The following GPR107 variants were observed in gnomAD, a reference collection of about 807,000 sequenced individuals.
The protein encoded by GPR107 is G protein-coupled receptor 107, also known as protein GPR107.
A neutral mutation model predicts 75.5 loss-of-function variants in GPR107; 31 were observed. The observed-to-expected ratio is 0.41, with a 90% confidence interval of 0.31 to 0.55. The LOEUF (loss-of-function observed/expected upper bound fraction) is 0.55. Among genes scored for constraint, GPR107 ranks in the 20% least tolerant of loss-of-function variants. The pLI is 0.26. For synonymous variants in GPR107, 267 were observed against 251.3 expected, an observed-to-expected ratio of 1.06 and a Z score of -0.59; for missense variants, 572 against 665.7, an observed-to-expected ratio of 0.86 and a Z score of 1.55.
At chr9:130,079,165 G>A (rs1193870527) in intron 4 of GPR107, among the ~76,000 whole-genome samples, 1 of 152,166 alleles carries the variant, frequency 6.6e-6, no homozygotes, top group African/African-American at 2.4e-5. Context: ...GTTTTGCCAT[G>A]TTGGCCAGGC....
chr9:130,110,493 A>C lies in GPR107; in HGVS notation c.1306+2954A>C. The C allele has an allele frequency of 5.1e-6, 4 of 791,736 alleles. No homozygotes were observed. In the South Asian group the frequency reaches 5.8e-5, roughly 11 times the overall value. 49.0% of individuals were successfully genotyped at this position (791,736 alleles called of 1,614,324 possible). ...GCTAAGGAAGCACCCATTTCTCATC[A>C]GCAAATATCACAAATACTCTGAAAG... On this transcript the variant is annotated intron_variant, in intron 14 of 17. Transcript: ENST00000347136.
At chr9:130,068,266 A>G (rs759558641) in intron 1 of GPR107, among the ~76,000 whole-genome samples, 11 of 152,102 alleles carry the variant, frequency 7.2e-5, no homozygotes, top group Non-Finnish European at 1.5e-4. Context: ...GGCTCCTGCC[A>G]CAGTGGCCCC....
intron 14 of GPR107, among the ~76,000 whole-genome samples, chr9:130,109,772 T>C (rs936552623): frequency 1.3e-4 from 20 of 151,184 alleles, no homozygotes; most frequent in Non-Finnish European, 2.5e-4. Flanking sequence ...GGTTCCACTA[T>C]GTTGGCCAGG....
At chr9:130,083,016 G>A (rs1339791491) in intron 5 of GPR107, among the ~76,000 whole-genome samples, 1 of 152,034 alleles carries the variant, frequency 6.6e-6, no homozygotes, top group African/African-American at 2.4e-5. Flanking sequence ...CACCTTTTGG[G>A]TTCAAGGGAT....
chr9:130,078,529 T>G (rs930268749), intron 4 of GPR107, among the ~76,000 whole-genome samples: 6 of 152,232 alleles, frequency 3.9e-5, no homozygotes, highest in African/African-American at 1.4e-4. Context: ...ACAAAAGACT[T>G]GACTTAGACT....
intron 14 of GPR107, among the ~76,000 whole-genome samples, chr9:130,115,298 T>G (rs1831395030): frequency 6.6e-6 from 1 of 152,042 alleles, no homozygotes; most frequent in South Asian, 2.1e-4. Flanking sequence ...CTACAGTGAT[T>G]TGGATAGGAA....
chr9:130,078,594 G>A lies in GPR107; in HGVS notation c.387-1036G>A, dbSNP rs118049684. 1.7e-3 allele frequency among the ~76,000 whole-genome samples: 261 copies of A among 152,294 alleles called. 5 individuals are homozygous for A. The East Asian group carries it at 0.044, about 26-fold the overall frequency. ...CTCACCTATGTGCAGTGGGGCAGGC[G>A]AGAGACAGGCCTGCGGTGGCTTGCT... On this transcript the variant is annotated intron_variant, in intron 4 of 17. Transcript: ENST00000347136.
At chr9:130,109,905 A>G (rs1259057889) in intron 14 of GPR107, among the ~76,000 whole-genome samples, 2 of 152,230 alleles carry the variant, frequency 1.3e-5, no homozygotes, top group Non-Finnish European at 2.9e-5. Context: ...CGATGAGACC[A>G]TTTAACTTTA....
intron 4 of GPR107, among the ~76,000 whole-genome samples, chr9:130,078,931 T>G (rs1211908175): frequency 6.6e-6 from 1 of 152,200 alleles, no homozygotes; most frequent in Non-Finnish European, 1.5e-5. Flanking sequence ...ACAGTGCCAC[T>G]GCCCTCTCGT....
intron 12 of GPR107, among the ~76,000 whole-genome samples, chr9:130,101,987 G>T (rs1831042694): frequency 6.6e-6 from 1 of 152,204 alleles, no homozygotes; most frequent in Admixed American, 6.5e-5. Context: ...GCTCCTCTCG[G>T]AGTTCTAACA....
intron 1 of GPR107, among the ~76,000 whole-genome samples, chr9:130,065,855 G>A (rs928960311): frequency 6.6e-6 from 1 of 150,978 alleles, no homozygotes; most frequent in Non-Finnish European, 1.5e-5. Context: ...GGTGCCAGTC[G>A]ATCAGGACCC....
At chr9:130,093,129 G>A (rs1031314755) in intron 9 of GPR107, among the ~76,000 whole-genome samples, 1 of 152,134 alleles carries the variant, frequency 6.6e-6, no homozygotes, top group Non-Finnish European at 1.5e-5. Context: ...AAGCTGCACT[G>A]GGATAGATTC....
At chr9:130,064,801 A>G (rs183914542) in intron 1 of GPR107, among the ~76,000 whole-genome samples, 1 of 152,186 alleles carries the variant, frequency 6.6e-6, no homozygotes, top group African/African-American at 2.4e-5. Flanking sequence ...CACAGAGGGA[A>G]GAAGGCGATG....
intron 12 of GPR107, among the ~76,000 whole-genome samples, chr9:130,104,214 C>T (rs1238204181): frequency 6.6e-6 from 1 of 152,126 alleles, no homozygotes; most frequent in Non-Finnish European, 1.5e-5. Context: ...AGAGCAATTA[C>T]GGCCTGTGCA....
At chr9:130,089,905 G>A (rs1288631165) in intron 7 of GPR107, among the ~76,000 whole-genome samples, 1 of 152,066 alleles carries the variant, frequency 6.6e-6, no homozygotes, top group Non-Finnish European at 1.5e-5. Flanking sequence ...CAGTATACAT[G>A]CAGAAGAGTG....
intron 1 of GPR107, among the ~76,000 whole-genome samples, chr9:130,073,916 C>T (rs765415987): frequency 4.6e-5 from 7 of 152,134 alleles, no homozygotes; most frequent in African/African-American, 7.2e-5. Context: ...CCACAATGCC[C>T]GGCTAATTTT....
At chr9:130,127,593 A>G (rs762061152) in intron 16 of GPR107, 27 bp downstream of exon 16, 2 of 1,253,874 alleles carry the variant, frequency 1.6e-6, no homozygotes, top group African/African-American at 1.5e-5. Flanking sequence ...GCAGAATGCC[A>G]GAGAATTTAT....
chr9:130,108,420 A>T (rs577598774), intron 14 of GPR107, among the ~76,000 whole-genome samples: 1 of 152,350 alleles, frequency 6.6e-6, no homozygotes, highest in South Asian at 2.1e-4. Context: ...TCTTTCACAA[A>T]CCTGGTATAT....
At position 130,114,170 on chromosome 9, in the gene GPR107, A is replaced by G. The variant is rs138329273; in HGVS notation, c.1306+6631A>G. On this transcript the variant is annotated intron_variant, in intron 14 of 17. Coordinates refer to ENST00000347136, the MANE Select transcript of GPR107 (RefSeq NM_020960.5). ...GATCAGTTGAGGTCAGGAGTTCGAG[A>G]CCAGCCTGGCCAACATGGTAAAACC... Among the ~76,000 whole-genome samples, 319 of 151,298 alleles carry G rather than the reference A, an allele frequency of 2.1e-3. 2 individuals are homozygous for G. The highest frequency in any genetic ancestry group is 7.6e-3 in the African/African-American group (312 of 41,238).
Sources: allele counts gnomAD v4.1 joint callset (sites outside exome capture counted in the v4.1 genomes callset), GRCh38; gene constraint gnomAD v4.1.1; transcripts MANE v1.5; gene names NCBI Gene and HGNC (gene_info 2026-07-23, HGNC 2026-07-21).